IGFL2: variants seen among roughly 807,000 people sequenced by gnomAD.
IGFL2 encodes the protein insulin growth factor-like family member 2.
In IGFL2, 7 loss-of-function variants were observed where a neutral mutation model predicts 13.9. The observed-to-expected ratio is 0.51, with a 90% CI of 0.29 to 0.95. The LOEUF is 0.95. Among genes scored for constraint, IGFL2 ranks in the 40% least tolerant of loss-of-function variants. The probability of loss-of-function intolerance (pLI) is 0.08; values close to 1 mark genes in which losing one functional copy is unlikely to be tolerated. For synonymous variants in IGFL2, 55 were observed against 55.8 expected (o/e 0.99, Z 0.07); for missense variants, 138 against 147.8 (o/e 0.93, Z 0.34).
the IGFL2 span, among the ~76,000 whole-genome samples, chr19:46,167,699 G>C: frequency 6.6e-6 from 1 of 152,224 alleles, no homozygotes; most frequent in Non-Finnish European, 1.5e-5. Flanking sequence ...GTAATTGAAT[G>C]TGGAGCCTCT....
At chr19:46,174,014 C>T in the IGFL2 span, 14,563 of 152,180 alleles carry the variant, frequency 0.096, 963 homozygotes, top group African/African-American at 0.18. Flanking sequence ...AGCCCATGGA[C>T]GAGAACATGC....
At chr19:46,130,503 A>G in the IGFL2 span, among the ~76,000 whole-genome samples, 1 of 152,162 alleles carries the variant, frequency 6.6e-6, no homozygotes, top group South Asian at 2.1e-4. Flanking sequence ...GTTTGTCTAC[A>G]TGCTGTTTAT....
chr19:46,096,534 C>G, the IGFL2 span, among the ~76,000 whole-genome samples: 1 of 152,108 alleles, frequency 6.6e-6, no homozygotes, highest in Non-Finnish European at 1.5e-5. Context: ...CCTGATTGCC[C>G]TGGCCATAGC....
chr19:46,091,117 T>C, the IGFL2 span, among the ~76,000 whole-genome samples: 2 of 152,228 alleles, frequency 1.3e-5, no homozygotes, highest in Non-Finnish European at 2.9e-5. Context: ...CTTTTGAAGG[T>C]ATTTTTGTGC....
chr19:46,079,476 A>AGGAGGAT, the IGFL2 span, among the ~76,000 whole-genome samples: 1 of 152,082 alleles, frequency 6.6e-6, no homozygotes, highest in Non-Finnish European at 1.5e-5. Context: ...CGCGGATTGG[A>AGGAGGAT]GCCTGTTTGC....
At chr19:46,178,185 G>T in the IGFL2 span, among the ~76,000 whole-genome samples, 1 of 152,108 alleles carries the variant, frequency 6.6e-6, no homozygotes, top group Non-Finnish European at 1.5e-5. Context: ...GCTGAGGCAG[G>T]AGAATCACTT....
At chr19:46,148,896 T>G in intron 1 of IGFL2, 1 of 1,547,662 alleles carries the variant, frequency 6.5e-7, no homozygotes, top group South Asian at 1.2e-5. Flanking sequence ...GGGACTGTGA[T>G]GAGGGGATCA....
the IGFL2 span, among the ~76,000 whole-genome samples, chr19:46,086,778 G>C: frequency 6.6e-6 from 1 of 152,160 alleles, no homozygotes; most frequent in Non-Finnish European, 1.5e-5. Context: ...TTGCTCTCAT[G>C]GGGAGGATTT....
At chr19:46,188,873 C>T in the IGFL2 span, among the ~76,000 whole-genome samples, 1 of 152,228 alleles carries the variant, frequency 6.6e-6, no homozygotes, top group Non-Finnish European at 1.5e-5. Context: ...GGGCAGGTGG[C>T]CAGCTCTTTG....
chr19:46,124,634 A>G, the IGFL2 span: 6 of 1,609,242 alleles, frequency 3.7e-6, no homozygotes, highest in Non-Finnish European at 4.2e-6. Flanking sequence ...CCCAAGATGC[A>G]GCATCGTGGC....
chr19:46,151,688 T>G (rs1973501873), intron 1 of IGFL2, among the ~76,000 whole-genome samples: 1 of 152,206 alleles, frequency 6.6e-6, no homozygotes, highest in South Asian at 2.1e-4. Flanking sequence ...GGAAGGTGGA[T>G]GGCTTGATCT....
chr19:46,116,941 A>C, the IGFL2 span, among the ~76,000 whole-genome samples: 2 of 151,592 alleles, frequency 1.3e-5, no homozygotes, highest in Non-Finnish European at 2.9e-5. Flanking sequence ...TAAATTAATT[A>C]ACTTGTTTAT....
At chr19:46,160,518 A>T (rs1476464658) in intron 2 of IGFL2, 50 bp downstream of exon 2, 2 of 1,612,804 alleles carry the variant, frequency 1.2e-6, no homozygotes, top group African/African-American at 2.7e-5. Context: ...TGACTTTGGA[A>T]AGTGGGCATG....
At chr19:46,117,662 G>A in the IGFL2 span, among the ~76,000 whole-genome samples, 1 of 152,206 alleles carries the variant, frequency 6.6e-6, no homozygotes, top group African/African-American at 2.4e-5. Context: ...TGTATTTTTA[G>A]TAGAGACGGG....
chr19:46,173,350 G>A, the IGFL2 span, among the ~76,000 whole-genome samples: 4 of 152,144 alleles, frequency 2.6e-5, no homozygotes, highest in African/African-American at 9.7e-5. Flanking sequence ...TGTGATTCAC[G>A]TTCTGACCCA....
At chr19:46,087,082 C>A in the IGFL2 span, among the ~76,000 whole-genome samples, 1 of 152,110 alleles carries the variant, frequency 6.6e-6, no homozygotes, top group Non-Finnish European at 1.5e-5. Flanking sequence ...GTTAGCAGGT[C>A]CAGGCAGGCC....
At chr19:46,188,383 C>A in the IGFL2 span, among the ~76,000 whole-genome samples, 2 of 152,124 alleles carry the variant, frequency 1.3e-5, no homozygotes, top group African/African-American at 4.8e-5. Flanking sequence ...AAGGTCCATC[C>A]CCAGCCACCG....
At chr19:46,144,996 G>A (rs1289227501), upstream of IGFL2, among the ~76,000 whole-genome samples, 5 of 152,156 alleles carry the variant, frequency 3.3e-5, no homozygotes, top group Admixed American at 3.3e-4. Context: ...TCCATTGTGT[G>A]TGTGTACCAC....
At chr19:46,155,534 A>G (rs1057248684) in intron 1 of IGFL2, among the ~76,000 whole-genome samples, 2 of 152,198 alleles carry the variant, frequency 1.3e-5, no homozygotes, top group African/African-American at 4.8e-5. Context: ...AGTTGTTTTT[A>G]TAAAAAAAAT....
Sources: allele counts gnomAD v4.1 joint callset (sites outside exome capture counted in the v4.1 genomes callset), GRCh38; gene constraint gnomAD v4.1.1; transcripts MANE v1.5; gene names NCBI Gene and HGNC (gene_info 2026-07-23, HGNC 2026-07-21).